Variants in GRIA1 observed in about 807,000 individuals in gnomAD.
GRIA1 encodes glutamate receptor 1.
A neutral mutation model predicts 99.2 loss-of-function variants in GRIA1; 31 were observed. The observed-to-expected ratio is 0.31, with a 90% confidence interval of 0.23 to 0.42. The LOEUF (loss-of-function observed/expected upper bound fraction) is 0.42. Ranked by LOEUF, GRIA1 falls within the 10% of genes least tolerant of loss-of-function variation. The probability of loss-of-function intolerance (pLI) is 1.00; values close to 1 mark genes in which losing one functional copy is unlikely to be tolerated. For synonymous variants in GRIA1, 438 were observed against 432.4 expected (o/e 1.01, Z -0.16); for missense variants, 782 against 1,157.5 (o/e 0.68, Z 4.71).
Position 153,656,383 on chromosome 5 carries a change from TTATATA to T in GRIA1, c.699+537_699+542del, listed in dbSNP as rs60245651. 3.9e-4 allele frequency among the ~76,000 whole-genome samples: 36 copies of T among 92,680 alleles called. 1 individual carries two copies. The highest frequency in any genetic ancestry group is 6.8e-4 in the South Asian group (2 of 2,938). 60.8% of individuals were successfully genotyped at this position (92,680 alleles called of 152,430 possible). ...TTCTATATGGCATAGATAAGTTTGT[TTATATA>T]TATATATATATATATATATATATAT... On this transcript the variant is annotated intron_variant, in intron 5 of 15. Coordinates refer to ENST00000285900, the MANE Select transcript of GRIA1 (RefSeq NM_000827.4).
chr5:153,806,569 C>T (rs6878093), intron 15 of GRIA1, among the ~76,000 whole-genome samples: 30 of 152,280 alleles, frequency 2.0e-4, no homozygotes, highest in African/African-American at 7.2e-4. Context: ...CCGCCCTTGG[C>T]CCACTCTTAA....
chr5:153,691,271 T>G (rs1757729355), intron 8 of GRIA1, among the ~76,000 whole-genome samples: 1 of 152,196 alleles, frequency 6.6e-6, no homozygotes, highest in Non-Finnish European at 1.5e-5. Context: ...TAAAATATCT[T>G]GTCAAAATCT....
intron 7 of GRIA1, among the ~76,000 whole-genome samples, chr5:153,679,717 C>A (rs1473152395): frequency 6.6e-6 from 1 of 152,208 alleles, no homozygotes; most frequent in Non-Finnish European, 1.5e-5. Flanking sequence ...GTCTTAGAAA[C>A]CTGAGGCTTG....
intron 2 of GRIA1, among the ~76,000 whole-genome samples, chr5:153,548,034 A>T (rs556745428): frequency 6.6e-6 from 1 of 152,254 alleles, no homozygotes; most frequent in South Asian, 2.1e-4. Context: ...CCCTTCTCAT[A>T]AAAAAAATTT....
At chr5:153,734,099 C>A (rs769268696) in intron 11 of GRIA1, among the ~76,000 whole-genome samples, 1 of 152,150 alleles carries the variant, frequency 6.6e-6, no homozygotes, top group Non-Finnish European at 1.5e-5. Context: ...GGATATGATG[C>A]CTATGCATTT....
At chr5:153,625,070 G>A (rs545346006) in intron 2 of GRIA1, among the ~76,000 whole-genome samples, 5 of 152,216 alleles carry the variant, frequency 3.3e-5, no homozygotes, top group African/African-American at 1.2e-4. Flanking sequence ...CCGCAGCCCT[G>A]GTTGGCTGCT....
intron 2 of GRIA1, among the ~76,000 whole-genome samples, chr5:153,603,054 T>G (rs902972809): frequency 6.6e-6 from 1 of 152,136 alleles, no homozygotes. Flanking sequence ...GTATATCTCC[T>G]AATGCTATCC....
intron 2 of GRIA1, among the ~76,000 whole-genome samples, chr5:153,578,542 T>C (rs34487335): frequency 0.11 from 16,147 of 152,066 alleles, 954 homozygotes; most frequent in South Asian, 0.25. Flanking sequence ...AAGAGTGACT[T>C]TTATTTTAAG....
At chr5:153,711,369 G>A (rs994340665) in intron 11 of GRIA1, among the ~76,000 whole-genome samples, 9 of 152,270 alleles carry the variant, frequency 5.9e-5, no homozygotes, top group East Asian at 3.9e-4. Context: ...GATGGTCATC[G>A]ACATGGATTT....
chr5:153,612,449 T>C (rs1041832084), intron 2 of GRIA1, among the ~76,000 whole-genome samples: 1 of 152,246 alleles, frequency 6.6e-6, no homozygotes, highest in African/African-American at 2.4e-5. Flanking sequence ...AGTTAACTTA[T>C]CTGAGCCTCT....
chr5:153,596,706 G>C (rs114191810), intron 2 of GRIA1, among the ~76,000 whole-genome samples: 3,692 of 152,252 alleles, frequency 0.024, 73 homozygotes, highest in Non-Finnish European at 0.036. Context: ...TGGTTTGTTA[G>C]GTCTCTGGTG....
intron 2 of GRIA1, among the ~76,000 whole-genome samples, chr5:153,642,819 T>A (rs1470251757): frequency 6.6e-6 from 1 of 152,194 alleles, no homozygotes; most frequent in Non-Finnish European, 1.5e-5. Context: ...TTGTCATATC[T>A]GACAATGTAG....
chr5:153,556,735 G>A (rs1415804955), intron 2 of GRIA1, among the ~76,000 whole-genome samples: 3 of 152,170 alleles, frequency 2.0e-5, no homozygotes, highest in African/African-American at 7.2e-5. Flanking sequence ...CCTGAAGTCT[G>A]AAGATTGGTC....
At chr5:153,783,339 T>C (rs1215932285) in intron 13 of GRIA1, among the ~76,000 whole-genome samples, 4 of 152,170 alleles carry the variant, frequency 2.6e-5, no homozygotes, top group African/African-American at 9.7e-5. Flanking sequence ...TTGTCAAGCA[T>C]CTCCAAGGTA....
chr5:153,685,030 TAAC>T, intron 7 of GRIA1, among the ~76,000 whole-genome samples: 1 of 152,304 alleles, frequency 6.6e-6, no homozygotes, highest in East Asian at 1.9e-4. Flanking sequence ...TTATACGTTC[TAAC>T]AACAGAGGAG....
intron 2 of GRIA1, among the ~76,000 whole-genome samples, chr5:153,626,869 G>A (rs1767680355): frequency 6.6e-6 from 1 of 152,144 alleles, no homozygotes; most frequent in African/African-American, 2.4e-5. Flanking sequence ...GAAATACGAT[G>A]GACAAGGGTC....
intron 2 of GRIA1, among the ~76,000 whole-genome samples, chr5:153,567,993 G>A (rs954132617): frequency 3.3e-5 from 5 of 152,084 alleles, no homozygotes; most frequent in Non-Finnish European, 7.4e-5. Flanking sequence ...TGTAGATTTG[G>A]GGTTTTGTCC....
chr5:153,557,656 TA>T (rs1760773430), intron 2 of GRIA1: 1 of 152,184 alleles, frequency 6.6e-6, no homozygotes, highest in Non-Finnish European at 1.5e-5. Flanking sequence ...GTTTAAAGGG[TA>T]AAGACACAAA....
chr5:153,640,965 A>G (rs1473330890), intron 2 of GRIA1, among the ~76,000 whole-genome samples: 2 of 152,180 alleles, frequency 1.3e-5, no homozygotes, highest in Admixed American at 6.5e-5. Context: ...TGTCAGCATT[A>G]TATCTACGAT....
Sources: allele counts gnomAD v4.1 joint callset (sites outside exome capture counted in the v4.1 genomes callset), GRCh38; gene constraint gnomAD v4.1.1; transcripts MANE v1.5; gene names NCBI Gene and HGNC (gene_info 2026-07-23, HGNC 2026-07-21).